Variants in RANBP2 observed in about 807,000 individuals in gnomAD.
The protein encoded by RANBP2 is E3 SUMO-protein ligase RanBP2.
A neutral mutation model predicts 303.6 loss-of-function variants in RANBP2; 57 were observed. The observed-to-expected ratio is 0.19, with a 90% CI of 0.15 to 0.23. The LOEUF (loss-of-function observed/expected upper bound fraction) is 0.23, where lower values mean the gene tolerates loss of function less well. Among genes scored for constraint, RANBP2 ranks in the 10% least tolerant of loss-of-function variants. The probability of loss-of-function intolerance (pLI) is 1.00; values close to 1 mark genes in which losing one functional copy is unlikely to be tolerated. For missense variants in RANBP2, 3,138 were observed against 3,780.8 expected (o/e 0.83, Z 4.46); for synonymous variants, 1,167 against 1,301.5 (o/e 0.90, Z 2.23).
At chr2:109,397,050 T>G in the RANBP2 span, among the ~76,000 whole-genome samples, 2 of 152,194 alleles carry the variant, frequency 1.3e-5, no homozygotes, top group Non-Finnish European at 2.9e-5. Context: ...GCCACTGGCC[T>G]AGGTGCCTCT....
At chr2:109,313,479 G>C in the RANBP2 span, 1 of 154,658 alleles carries the variant, frequency 6.5e-6, no homozygotes, top group African/African-American at 2.4e-5. Context: ...CCATGGGCCA[G>C]GCCCTGCCCT....
the RANBP2 span, among the ~76,000 whole-genome samples, chr2:109,446,355 C>T: frequency 6.6e-6 from 1 of 152,178 alleles, no homozygotes; most frequent in Admixed American, 6.5e-5. Flanking sequence ...CGGGCGTTAT[C>T]GTGAATTAAG....
At chr2:109,735,869 C>T in the RANBP2 span, among the ~76,000 whole-genome samples, 243 of 152,224 alleles carry the variant, frequency 1.6e-3, 2 homozygotes, top group African/African-American at 5.3e-3. Flanking sequence ...CAAGCAATTC[C>T]GCTTCAGAGA....
the RANBP2 span, among the ~76,000 whole-genome samples, chr2:109,264,528 A>G: frequency 3.3e-5 from 5 of 152,258 alleles, no homozygotes; most frequent in African/African-American, 1.2e-4. Flanking sequence ...TGGCAAAGTG[A>G]ATCAAGTCTC....
the RANBP2 span, chr2:109,129,917 G>T: frequency 6.7e-7 from 1 of 1,501,418 alleles, no homozygotes; most frequent in African/African-American, 1.4e-5. Context: ...CAGCGGCCCC[G>T]CGCGGGCACC....
chr2:109,614,722 A>T, the RANBP2 span: 1 of 1,488,350 alleles, frequency 6.7e-7, no homozygotes, highest in African/African-American at 1.5e-5. Flanking sequence ...AAGTACGTGC[A>T]CCTCAAGAAG....
chr2:108,961,228 G>C, the RANBP2 span, among the ~76,000 whole-genome samples: 3 of 151,818 alleles, frequency 2.0e-5, no homozygotes. Context: ...TTAATGAAAG[G>C]GTAAAGAACC....
chr2:109,350,692 C>G, the RANBP2 span, among the ~76,000 whole-genome samples: 973 of 152,352 alleles, frequency 6.4e-3, 12 homozygotes, highest in African/African-American at 0.022. Context: ...CCTTACTTCC[C>G]CCATGCCTGG....
chr2:109,544,940 A>C, the RANBP2 span: 1 of 984,504 alleles, frequency 1.0e-6, no homozygotes, highest in Non-Finnish European at 1.2e-6. Flanking sequence ...AAAACAAACA[A>C]ACAAACAAAA....
the RANBP2 span, among the ~76,000 whole-genome samples, chr2:108,926,130 G>A: frequency 1.3e-5 from 2 of 152,186 alleles, no homozygotes; most frequent in South Asian, 2.1e-4. Context: ...ATCCTGGGCT[G>A]CACAGCAACA....
At chr2:108,798,384 T>C in the RANBP2 span, 1 of 1,577,082 alleles carries the variant, frequency 6.3e-7, no homozygotes, top group Non-Finnish European at 8.6e-7. Context: ...ATTTGCAGAA[T>C]TTGTGACTTT....
the RANBP2 span, among the ~76,000 whole-genome samples, chr2:109,012,862 A>G: frequency 6.6e-6 from 1 of 152,154 alleles, no homozygotes; most frequent in Non-Finnish European, 1.5e-5. Flanking sequence ...TGCAGTGAGC[A>G]GAGACCAGGC....
chr2:108,812,893 A>G, the RANBP2 span: 1 of 1,613,800 alleles, frequency 6.2e-7, no homozygotes, highest in East Asian at 2.2e-5. Flanking sequence ...AAAAGTTTAA[A>G]ACAAGAAAAA....
At chr2:108,942,658 C>G in the RANBP2 span, among the ~76,000 whole-genome samples, 1 of 152,374 alleles carries the variant, frequency 6.6e-6, no homozygotes, top group Non-Finnish European at 1.5e-5. Context: ...AGAGGCCTTT[C>G]AAGACGGCGG....
the RANBP2 span, among the ~76,000 whole-genome samples, chr2:108,820,986 ATTC>A: frequency 3.3e-5 from 5 of 149,696 alleles, no homozygotes; most frequent in African/African-American, 1.2e-4. Context: ...TTGATTTTTA[ATTC>A]TTGCATAGAA....
downstream of RANBP2, among the ~76,000 whole-genome samples, chr2:108,789,972 AAT>A (rs1679632022): frequency 6.6e-6 from 1 of 152,246 alleles, no homozygotes; most frequent in African/African-American, 2.4e-5. Flanking sequence ...GAAATGTTGA[AAT>A]AATTGTGGAG....
the RANBP2 span, among the ~76,000 whole-genome samples, chr2:109,056,386 T>A: frequency 7.1e-4 from 107 of 151,364 alleles, no homozygotes; most frequent in Non-Finnish European, 1.3e-3. Flanking sequence ...TTAGGCTAGA[T>A]TCGAAGTTCT....
At chr2:109,295,054 A>G in the RANBP2 span, among the ~76,000 whole-genome samples, 1,617 of 152,344 alleles carry the variant, frequency 0.011, 97 homozygotes, top group Admixed American at 0.083. Context: ...CCTGCAGGAA[A>G]TGCCACTGTT....
At chr2:109,762,396 T>C in the RANBP2 span, among the ~76,000 whole-genome samples, 27 of 150,466 alleles carry the variant, frequency 1.8e-4, 2 homozygotes, top group African/African-American at 4.9e-4. Flanking sequence ...TTTAAAATGC[T>C]GTTTGCTTTT....
Sources: allele counts gnomAD v4.1 joint callset (sites outside exome capture counted in the v4.1 genomes callset), GRCh38; gene constraint gnomAD v4.1.1; transcripts MANE v1.5; gene names NCBI Gene and HGNC (gene_info 2026-07-23, HGNC 2026-07-21).